The following STAG1 variants were observed in gnomAD, a reference collection of about 807,000 sequenced individuals.
STAG1 encodes the protein cohesin subunit SA-1.
STAG1 carries 26 observed loss-of-function variants against 170.9 expected under a neutral mutation model. The ratio of observed to expected loss-of-function variants is 0.15; its 90% CI spans 0.11 to 0.21. STAG1 has a LOEUF of 0.21. Among genes scored for constraint, STAG1 ranks in the 10% least tolerant of loss-of-function variants. The probability of loss-of-function intolerance (pLI) is 1.00; values close to 1 mark genes in which losing one functional copy is unlikely to be tolerated. For synonymous variants in STAG1, 514 were observed against 497.7 expected (o/e 1.03, Z -0.44); for missense variants, 964 against 1,509.5 (o/e 0.64, Z 5.99).
chr3:136,415,432 T>A (rs933386475), intron 21 of STAG1, among the ~76,000 whole-genome samples: 19 of 152,206 alleles, frequency 1.2e-4, no homozygotes, highest in African/African-American at 3.4e-4. Flanking sequence ...TCAACAGTAA[T>A]AAATATTTTG....
At chr3:136,400,466 C>T (rs1560088300) in intron 21 of STAG1, among the ~76,000 whole-genome samples, 2 of 152,096 alleles carry the variant, frequency 1.3e-5, no homozygotes, top group Admixed American at 6.6e-5. Flanking sequence ...GGCAATCTGC[C>T]CACCTCTGCC....
intron 6 of STAG1, among the ~76,000 whole-genome samples, chr3:136,537,527 G>A: frequency 7.2e-6 from 1 of 138,186 alleles, no homozygotes; most frequent in African/African-American, 2.7e-5. Context: ...TTGAGGTGAA[G>A]TCTCACTCCA....
intron 7 of STAG1, among the ~76,000 whole-genome samples, chr3:136,514,480 C>G (rs1202284857): frequency 1.3e-5 from 2 of 152,184 alleles, no homozygotes. Flanking sequence ...TAAACTAGTT[C>G]AACCATTGTG....
intron 1 of STAG1, among the ~76,000 whole-genome samples, chr3:136,738,395 G>A (rs758514742): frequency 3.9e-5 from 6 of 152,154 alleles, no homozygotes; most frequent in Non-Finnish European, 2.9e-5. Context: ...GGAGGCTGAC[G>A]AAGTAGAAAC....
chr3:136,612,195 G>C (rs1010364536), intron 3 of STAG1, among the ~76,000 whole-genome samples: 2 of 152,088 alleles, frequency 1.3e-5, no homozygotes, highest in African/African-American at 4.8e-5. Flanking sequence ...AGAAAGTTTC[G>C]AACTTCAGAG....
intron 20 of STAG1, among the ~76,000 whole-genome samples, chr3:136,418,983 AATATAACCAC>A (rs1403971719): frequency 6.6e-6 from 1 of 152,150 alleles, no homozygotes; most frequent in Non-Finnish European, 1.5e-5. Flanking sequence ...ACAATTTAAA[AATATAACCAC>A]ATGTGTATTT....
intron 23 of STAG1, among the ~76,000 whole-genome samples, chr3:136,373,751 G>A (rs1440353089): frequency 1.3e-5 from 2 of 152,110 alleles, no homozygotes; most frequent in South Asian, 2.1e-4. Context: ...CATTTGCTGA[G>A]GATTGCTTTA....
intron 13 of STAG1, among the ~76,000 whole-genome samples, chr3:136,454,271 G>T (rs1292713618): frequency 1.3e-5 from 2 of 151,806 alleles, no homozygotes; most frequent in African/African-American, 4.8e-5. Flanking sequence ...GTAGAGACAG[G>T]GTTTCACCAT....
intron 13 of STAG1, among the ~76,000 whole-genome samples, chr3:136,454,190 T>A (rs1382683936): frequency 1.3e-5 from 2 of 152,172 alleles, no homozygotes; most frequent in Non-Finnish European, 2.9e-5. Context: ...GCGATTCTCA[T>A]GCCTCAGCCT....
At chr3:136,723,768 G>A (rs1933467757) in intron 1 of STAG1, among the ~76,000 whole-genome samples, 1 of 138,942 alleles carries the variant, frequency 7.2e-6, no homozygotes, top group Non-Finnish European at 1.6e-5. Flanking sequence ...CAGCCGCCCC[G>A]TCCGGGAAGG....
chr3:136,446,125 T>C (rs1312967040), intron 14 of STAG1, among the ~76,000 whole-genome samples: 5 of 152,164 alleles, frequency 3.3e-5, no homozygotes, highest in Non-Finnish European at 7.4e-5. Flanking sequence ...ATCCTTAGCC[T>C]ATTTTTCACT....
intron 4 of STAG1, among the ~76,000 whole-genome samples, chr3:136,580,204 T>C (rs922527225): frequency 6.6e-6 from 1 of 151,988 alleles, no homozygotes; most frequent in Non-Finnish European, 1.5e-5. Context: ...CTTGACCTTG[T>C]GATATGCCTG....
chr3:136,375,968 C>CT (rs1306918462), intron 23 of STAG1, among the ~76,000 whole-genome samples: 1 of 55,572 alleles, frequency 1.8e-5, no homozygotes, highest in African/African-American at 1.1e-4. Context: ...GACTCCGTCT[C>CT]AAAATAAATA....
intron 1 of STAG1, among the ~76,000 whole-genome samples, chr3:136,732,614 A>G (rs1481585914): frequency 1.3e-5 from 2 of 151,958 alleles, no homozygotes; most frequent in Non-Finnish European, 2.9e-5. Context: ...CTCATTAATA[A>G]ATTTTTTGTT....
rs531953611 is a variant in STAG1, at chr3:136,642,221, G to C, written c.-83-11240C>G. ...ACTATTTGCATATCCCATAGAGTTC[G>C]ATGGAACTCTATGGAACACGTACTG... On this transcript the variant is annotated intron_variant, in intron 1 of 33. Coordinates refer to ENST00000383202, the MANE Select transcript of STAG1 (RefSeq NM_005862.3). Among the ~76,000 whole-genome samples the C allele has an allele frequency of 6.0e-5, 9 of 148,990 alleles. No individual in the cohort carries two copies. The East Asian group carries it at 1.8e-3, about 30-fold the overall frequency.
At chr3:136,425,981 T>C (rs564231091) in intron 16 of STAG1, among the ~76,000 whole-genome samples, 59 of 151,556 alleles carry the variant, frequency 3.9e-4, no homozygotes, top group African/African-American at 1.4e-3. Flanking sequence ...TTTTTTTCTA[T>C]GGCATTTTAG....
chr3:136,446,099 T>A (rs1465221325), intron 14 of STAG1, among the ~76,000 whole-genome samples: 1 of 152,200 alleles, frequency 6.6e-6, no homozygotes, highest in Non-Finnish European at 1.5e-5. Context: ...TTTTCTAGCA[T>A]TTATCCGTTA....
intron 1 of STAG1, among the ~76,000 whole-genome samples, chr3:136,717,943 A>C (rs1353235430): frequency 6.6e-6 from 1 of 152,160 alleles, no homozygotes; most frequent in African/African-American, 2.4e-5. Flanking sequence ...ACATCCTCTC[A>C]GCCTCCACAC....
At chr3:136,465,327 C>T (rs954617309) in intron 12 of STAG1, among the ~76,000 whole-genome samples, 4 of 148,052 alleles carry the variant, frequency 2.7e-5, no homozygotes, top group Non-Finnish European at 4.4e-5. Context: ...TCAACTGATT[C>T]TCCTGCCTCA....
Sources: allele counts gnomAD v4.1 joint callset (sites outside exome capture counted in the v4.1 genomes callset), GRCh38; gene constraint gnomAD v4.1.1; transcripts MANE v1.5; gene names NCBI Gene and HGNC (gene_info 2026-07-23, HGNC 2026-07-21).